The following TOGARAM2 variants were observed in gnomAD, a reference collection of about 807,000 sequenced individuals.
The protein encoded by TOGARAM2 is TOG array regulator of axonemal microtubules protein 2.
In TOGARAM2, 85 loss-of-function variants were observed where a neutral mutation model predicts 93.3. That is an observed-to-expected ratio of 0.91 (90% CI 0.76 to 1.09). TOGARAM2 has a LOEUF of 1.09. TOGARAM2 is among the 50% of genes least tolerant of loss of function. TOGARAM2 has a pLI of 0.00. For missense variants in TOGARAM2, 1,277 were observed against 1,334.5 expected, an observed-to-expected ratio of 0.96 and a Z score of 0.67; for synonymous variants, 593 against 552.8, an observed-to-expected ratio of 1.07 and a Z score of -1.02.
At chr2:28,991,678 G>A (rs11898049) in intron 1 of TOGARAM2, among the ~76,000 whole-genome samples, 22,377 of 152,130 alleles carry the variant, frequency 0.15, 2,736 homozygotes, top group African/African-American at 0.33. Flanking sequence ...GGAGCTGCAC[G>A]CTCCCTGTGG....
chr2:28,976,128 T>C (rs1014358725), intron 1 of TOGARAM2, among the ~76,000 whole-genome samples: 2 of 152,212 alleles, frequency 1.3e-5, no homozygotes, highest in African/African-American at 4.8e-5. Context: ...CCCAGCACTT[T>C]GGGAGGCCGA....
At chr2:29,000,856 C>T (rs1673250996) in intron 4 of TOGARAM2, among the ~76,000 whole-genome samples, 3 of 152,216 alleles carry the variant, frequency 2.0e-5, no homozygotes, top group African/African-American at 7.2e-5. Context: ...GCCCGAGAAG[C>T]TTCCTTAGAA....
chr2:28,968,679 C>G (rs1671901269), intron 1 of TOGARAM2, among the ~76,000 whole-genome samples: 1 of 151,970 alleles, frequency 6.6e-6, no homozygotes, highest in South Asian at 2.1e-4. Flanking sequence ...ATTAGCTGAG[C>G]ATGGTGGCAT....
chr2:29,035,515 C>A lies in TOGARAM2; in HGVS notation c.2277C>A (p.Gly759=), dbSNP rs1666040956. The A allele has an allele frequency of 1.3e-6, 2 of 1,552,482 alleles. No homozygotes were observed. Among genetic ancestry groups the A allele is most frequent in the Non-Finnish European group, 1.7e-6 (2 of 1,148,974 alleles). ...TGGGGCTGCGCTCCACACTGCAGGG[C>A]CGCGGGGAGATGGTGGAGCAGCTAC... is the stretch of plus-strand genomic sequence containing the variant. ...RLVGLRSTLQ[G]RGEMVEQLRE... is the part of the protein sequence containing the mutation. The change falls in exon 17 of 20, where the codon GGC becomes GGA. Residue 759 remains glycine (G), a synonymous_variant. Transcript: ENST00000379558.
rs752814009 is a variant in TOGARAM2, at chr2:29,017,929, G to A, written c.1333G>A (p.Glu445Lys). The change falls in exon 10 of 20, where the codon GAG (glutamate) becomes AAG (lysine). Residue 445 changes from glutamate to lysine, a missense_variant. By Grantham distance (56) the Glu-to-Lys change is moderately conservative. Coordinates refer to ENST00000379558, the MANE Select transcript of TOGARAM2 (RefSeq NM_199280.4). ...GCCCAGCATCCCCATCAGCCGGCAG[G>A]AGCCCCGCTTTGCCCGCCACGCCTC... ...SLPSIPISRQ[E>K]PRFARHASAN... The A allele has an allele frequency of 1.9e-6, 3 of 1,608,040 alleles. No individual in the cohort carries two copies. In the South Asian group the frequency reaches 3.3e-5, roughly 18 times the overall value.
At chr2:29,046,700 A>C (rs1248313862) in intron 19 of TOGARAM2, 1 of 152,404 alleles carries the variant, frequency 6.6e-6, no homozygotes, top group Admixed American at 6.5e-5. Flanking sequence ...CAGAAAAGTG[A>C]AATGCACAAG....
intron 18 of TOGARAM2, among the ~76,000 whole-genome samples, chr2:29,039,220 G>A (rs1487800971): frequency 1.3e-5 from 2 of 152,156 alleles, no homozygotes; most frequent in Non-Finnish European, 2.9e-5. Context: ...GATCGGACAT[G>A]ATCCAGTTTC....
chr2:28,994,429 T>C (rs922865071), intron 1 of TOGARAM2, among the ~76,000 whole-genome samples: 6 of 152,128 alleles, frequency 3.9e-5, no homozygotes, highest in Non-Finnish European at 7.4e-5. Context: ...AGACACTACC[T>C]TGAAAAAAAT....
intron 1 of TOGARAM2, among the ~76,000 whole-genome samples, chr2:28,961,513 T>C (rs1671804787): frequency 6.6e-6 from 1 of 152,040 alleles, no homozygotes; most frequent in Non-Finnish European, 1.5e-5. Flanking sequence ...GGCTAATTTT[T>C]GTATTTTAGT....
chr2:28,969,212 G>A (rs993353329), intron 1 of TOGARAM2, among the ~76,000 whole-genome samples: 2 of 152,202 alleles, frequency 1.3e-5, no homozygotes, highest in Admixed American at 6.5e-5. Flanking sequence ...TTGCAGTGCA[G>A]GCCATCTCTG....
At chr2:29,024,039 T>G (rs1572733893) in intron 12 of TOGARAM2, 100 bp from the exon 13 acceptor site, 13 of 995,832 alleles carry the variant, frequency 1.3e-5, no homozygotes, top group African/African-American at 8.4e-5. Flanking sequence ...AGGGGAAGGG[T>G]GGGGGTGGAG....
chr2:28,979,665 T>C (rs191121658), upstream of TOGARAM2, among the ~76,000 whole-genome samples: 1 of 152,250 alleles, frequency 6.6e-6, no homozygotes, highest in African/African-American at 2.4e-5. Flanking sequence ...GAACACATAA[T>C]GCTCGGCCAT....
chr2:28,963,729 C>A (rs770482607), intron 1 of TOGARAM2, among the ~76,000 whole-genome samples: 5 of 152,064 alleles, frequency 3.3e-5, no homozygotes, highest in Non-Finnish European at 5.9e-5. Context: ...TGTACCTGGC[C>A]GAATGCGGTG....
rs1335819733 is a variant in TOGARAM2 at position 29,005,483 on chromosome 2, G to C, written c.830+1801G>C. Among the ~76,000 whole-genome samples, 5 of 112,794 alleles carry C rather than the reference G, an allele frequency of 4.4e-5. No homozygotes were observed. In the South Asian group the frequency reaches 1.5e-3, roughly 34 times the overall value. The allele number at this position is 112,794 out of a possible 152,430, so 74.0% of individuals were successfully genotyped here. On this transcript the variant is annotated intron_variant, in intron 6 of 19. Coordinates refer to ENST00000379558, the MANE Select transcript of TOGARAM2 (RefSeq NM_199280.4). Reference sequence around the variant, plus strand: ...TGTGTGACTGCATGTGTGTGCATGTGTGCATGTGTGTGAGTGCATGTGTTT... The same window carrying C: ...TGTGTGACTGCATGTGTGTGCATGTCTGCATGTGTGTGAGTGCATGTGTTT...
At chr2:29,006,282 T>G (rs991871081) in intron 6 of TOGARAM2, among the ~76,000 whole-genome samples, 2 of 148,394 alleles carry the variant, frequency 1.3e-5, no homozygotes, top group African/African-American at 5.0e-5. Flanking sequence ...TATGTGTGCA[T>G]GTATGTGTGC....
chr2:28,987,686 T>C (rs1356787619), intron 1 of TOGARAM2, among the ~76,000 whole-genome samples: 3 of 152,190 alleles, frequency 2.0e-5, no homozygotes, highest in Non-Finnish European at 4.4e-5. Flanking sequence ...CTGCATTCTG[T>C]GGAATTGCTG....
chr2:28,969,480 G>A (rs1459970632), intron 1 of TOGARAM2, among the ~76,000 whole-genome samples: 2 of 152,208 alleles, frequency 1.3e-5, no homozygotes, highest in African/African-American at 4.8e-5. Flanking sequence ...CAGAAGACAG[G>A]AGGCCCAATG....
intron 18 of TOGARAM2, among the ~76,000 whole-genome samples, chr2:29,040,337 G>C (rs977987045): frequency 1.3e-5 from 2 of 152,146 alleles, no homozygotes; most frequent in Non-Finnish European, 2.9e-5. Flanking sequence ...TTGAATAAAT[G>C]AAGATACAAA....
chr2:28,993,540 G>A (rs1672842498), intron 1 of TOGARAM2, among the ~76,000 whole-genome samples: 1 of 152,214 alleles, frequency 6.6e-6, no homozygotes. Context: ...GTTCAGGACT[G>A]CTTTTCACCA....
Sources: gnomAD v4.1 joint callset for allele counts (sites outside exome capture counted in the v4.1 genomes callset) on GRCh38, gnomAD v4.1.1 for gene constraint, MANE v1.5 for transcripts, NCBI Gene and HGNC (gene_info 2026-07-23, HGNC 2026-07-21) for gene names.